The following ANKRD33B variants were observed in gnomAD, a reference collection of about 807,000 sequenced individuals.
ANKRD33B encodes the protein ankyrin repeat domain-containing protein 33B.
In ANKRD33B, 6 loss-of-function variants were observed where a neutral mutation model predicts 21.5. That is an observed-to-expected ratio of 0.28 (90% CI 0.15 to 0.55). The LOEUF (loss-of-function observed/expected upper bound fraction) is 0.55. ANKRD33B is among the 20% of genes least tolerant of loss of function. The pLI is 0.94. For synonymous variants in ANKRD33B, 347 were observed against 342.4 expected (o/e 1.01, Z -0.15); for missense variants, 698 against 747.2 (o/e 0.93, Z 0.77).
intron 3 of ANKRD33B, among the ~76,000 whole-genome samples, chr5:10,644,538 C>A (rs926056085): frequency 6.6e-6 from 1 of 152,162 alleles, no homozygotes; most frequent in Non-Finnish European, 1.5e-5. Context: ...AACCTCAAAT[C>A]TTCCTGTGAT....
chr5:10,646,792 C>T (rs2126608584), intron 3 of ANKRD33B, among the ~76,000 whole-genome samples: 1 of 152,336 alleles, frequency 6.6e-6, no homozygotes, highest in South Asian at 2.1e-4. Flanking sequence ...AATTACCACT[C>T]TTCTAATATG....
chr5:10,649,288 C>T lies in ANKRD33B; in HGVS notation c.660C>T (p.Asp220=). 6.5e-7 allele frequency: 1 copy of T among 1,527,064 alleles called. No homozygotes were observed. Among genetic ancestry groups the T allele is most frequent in the Non-Finnish European group, 8.8e-7 (1 of 1,141,120 alleles). The allele number at this position is 1,527,064 out of a possible 1,614,324, so 94.6% of individuals were successfully genotyped here. A position where few individuals can be genotyped will look rare whatever the true frequency, so the allele number is the denominator to read the frequency against. Residue 220 remains aspartate, a synonymous_variant, in exon 4 of 4, where the codon GAC becomes GAT. Coordinates refer to ENST00000296657, the MANE Select transcript of ANKRD33B (RefSeq NM_001164440.2). ...MLAGADVHAR[D]PRRGMSPQEW... is the part of the protein sequence containing the mutation. ...CAGGGGCGGATGTCCACGCGAGGGA[C>T]CCCCGCCGTGGGATGTCGCCGCAGG...
At chr5:10,637,462 A>ACACACACACACGG (rs1491289427) in intron 2 of ANKRD33B, among the ~76,000 whole-genome samples, 9 of 114,580 alleles carry the variant, frequency 7.9e-5, no homozygotes, top group African/African-American at 2.5e-4. Context: ...ACACACACAC[A>ACACACACACACGG]CGGCGGCGGG....
Position 10,649,565 on chromosome 5 carries a change from A to G in ANKRD33B, c.937A>G (p.Thr313Ala), listed in dbSNP as rs1560989714. The G allele has an allele frequency of 1.3e-6, 2 of 1,523,216 alleles. No individual in the cohort carries two copies. Among genetic ancestry groups the G allele is most frequent in the Non-Finnish European group, 1.8e-6 (2 of 1,140,016 alleles). The allele number at this position is 1,523,216 out of a possible 1,614,324, so 94.4% of individuals were successfully genotyped here. ...GVLDHMVRMT[T>A]SLYSPAVAIV... ...CCTGGACCACATGGTCCGGATGACC[A>G]CGAGCCTCTACAGCCCCGCCGTGGC... The change falls in exon 4 of 4, where the codon ACG becomes GCG. Residue 313 changes from threonine (T) to alanine (A), a missense_variant. By Grantham distance (58) the Thr-to-Ala change is moderately conservative. Coordinates refer to ENST00000296657, the MANE Select transcript of ANKRD33B (RefSeq NM_001164440.2).
In ANKRD33B at chr5:10,633,028, T is replaced by TC. The variant is rs1486040566; in HGVS notation, c.497-4998dup. Among the ~76,000 whole-genome samples, 3 of 150,768 alleles carry TC rather than the reference T, an allele frequency of 2.0e-5. No homozygotes were observed. In the East Asian group the frequency reaches 5.9e-4, roughly 30 times the overall value. On this transcript the variant is annotated intron_variant, in intron 2 of 3. Transcript: ENST00000296657. ...GTCTTGAACTCCTGACCTCAGGTGATCCACCCCCCTCAGCCTCCCAAAGTG... is the reference window on the plus strand; with the variant it reads ...GTCTTGAACTCCTGACCTCAGGTGATCCCACCCCCCTCAGCCTCCCAAAGTG...
chr5:10,582,647 C>T (rs1735467102), intron 1 of ANKRD33B, among the ~76,000 whole-genome samples: 1 of 152,214 alleles, frequency 6.6e-6, no homozygotes, highest in Non-Finnish European at 1.5e-5. Flanking sequence ...TTGCTGTCCC[C>T]CAGCTGTGCG....
At chr5:10,591,271 C>A (rs1463616170) in intron 1 of ANKRD33B, among the ~76,000 whole-genome samples, 1 of 140,312 alleles carries the variant, frequency 7.1e-6, no homozygotes, top group Middle Eastern at 4.4e-3. Flanking sequence ...GGGCTCCCTG[C>A]AACCTCCCCC....
chr5:10,601,831 T>G (rs1735939781), intron 1 of ANKRD33B, among the ~76,000 whole-genome samples: 1 of 152,218 alleles, frequency 6.6e-6, no homozygotes, highest in Admixed American at 6.5e-5. Context: ...TCTCGAGATC[T>G]GCCCTTCTCC....
At chr5:10,647,607 C>CT (rs5865901) in intron 3 of ANKRD33B, among the ~76,000 whole-genome samples, 3,028 of 152,200 alleles carry the variant, frequency 0.02, 230 homozygotes, top group East Asian at 0.15. Context: ...GTCAGGGAGA[C>CT]TGTGTAAGGG....
In ANKRD33B at chr5:10,619,862, A is replaced by G. The variant is rs1431168334; in HGVS notation, c.496+1400A>G. ...GACAGAGAAACACACGAAGCCCAGC[A>G]CCATCTGTCTGCCGGAGCTTGGTGC... On this transcript the variant is annotated intron_variant, in intron 2 of 3. Coordinates refer to ENST00000296657, the MANE Select transcript of ANKRD33B (RefSeq NM_001164440.2). The surrounding 1 kb of genome is among the most constrained non-coding windows in gnomAD (Gnocchi z 4.5). 1.3e-5 allele frequency among the ~76,000 whole-genome samples: 2 copies of G among 152,186 alleles called. No homozygotes were observed. Among genetic ancestry groups the G allele is most frequent in the East Asian group, 3.9e-4 (2 of 5,188 alleles).
chr5:10,609,607 A>G (rs941541237), intron 1 of ANKRD33B, among the ~76,000 whole-genome samples: 1 of 151,854 alleles, frequency 6.6e-6, no homozygotes, highest in African/African-American at 2.4e-5. Flanking sequence ...GTCCTCAAGT[A>G]TTATAAAGAA....
chr5:10,597,557 C>A (rs928238818), intron 1 of ANKRD33B, among the ~76,000 whole-genome samples: 1 of 152,138 alleles, frequency 6.6e-6, no homozygotes, highest in Non-Finnish European at 1.5e-5. Flanking sequence ...TTGTAGAGAC[C>A]TACAAAGAGA....
rs564162597 is a variant in ANKRD33B, at chr5:10,569,561, G to A, written c.366+4728G>A. On this transcript the variant is annotated intron_variant, in intron 1 of 3. Coordinates refer to ENST00000296657, the MANE Select transcript of ANKRD33B (RefSeq NM_001164440.2). The stretch of plus-strand genomic sequence containing the variant: ...CAGTGAGTTGAGATTGCACCACTGC[G>A]CCCCAGGCTGGGCGACAGAACAAGA... 1.3e-3 allele frequency among the ~76,000 whole-genome samples: 200 copies of A among 151,390 alleles called. 1 individual carries two copies. The highest frequency in any genetic ancestry group is 4.5e-3 in the African/African-American group (187 of 41,208).
rs922272736 is a variant in ANKRD33B at position 10,619,277 on chromosome 5, C to T, written c.496+815C>T. ...CTGCAGCTGAGCCAGGAAGAACAGG[C>T]GCTTGTGTGTTGAAGGAAGGAGGGG... On this transcript the variant is annotated intron_variant, in intron 2 of 3. Transcript: ENST00000296657. This position sits in a 1 kb window ranked among gnomAD's most constrained non-coding sequence, Gnocchi z 4.5. 2.0e-5 allele frequency: 20 copies of T among 984,412 alleles called. No individual in the cohort carries two copies. Among genetic ancestry groups the T allele is most frequent in the Middle Eastern group, 5.2e-4 (1 of 1,934 alleles). The allele number at this position is 984,412 out of a possible 1,614,324, so 61.0% of individuals were successfully genotyped here. A position where few individuals can be genotyped will look rare whatever the true frequency, so the allele number is the denominator to read the frequency against.
intron 1 of ANKRD33B, among the ~76,000 whole-genome samples, chr5:10,595,445 G>T (rs1735799618): frequency 6.6e-6 from 1 of 152,166 alleles, no homozygotes; most frequent in Admixed American, 6.5e-5. Context: ...GTCCTCATCT[G>T]TCCTCTGCAC....
intron 1 of ANKRD33B, among the ~76,000 whole-genome samples, chr5:10,586,479 T>C (rs1735562029): frequency 7.2e-6 from 1 of 138,400 alleles, no homozygotes; most frequent in African/African-American, 2.7e-5. Flanking sequence ...CGTTGGGTTC[T>C]TGTAACTGTG....
intron 1 of ANKRD33B, among the ~76,000 whole-genome samples, chr5:10,565,070 C>A (rs2126539567): frequency 6.6e-6 from 1 of 152,360 alleles, no homozygotes; most frequent in East Asian, 1.9e-4. Context: ...GCGGCAGAAA[C>A]GCCAGTCCGG....
At chr5:10,622,480 C>T (rs11750932) in intron 2 of ANKRD33B, among the ~76,000 whole-genome samples, 4 of 152,054 alleles carry the variant, frequency 2.6e-5, no homozygotes, top group African/African-American at 9.7e-5. Flanking sequence ...TTCAAAAACG[C>T]GGTTAAATTT....
rs992801495 is a variant in ANKRD33B, at chr5:10,613,157, C to T, written c.367-5176C>T. ...CAGTCTCTCCCCTGGCTGTCGTGGG[C>T]TCCCGCTTCTTCTTCTGCAGACTGT... On this transcript the variant is annotated intron_variant, in intron 1 of 3. Coordinates refer to ENST00000296657, the MANE Select transcript of ANKRD33B (RefSeq NM_001164440.2). Among the ~76,000 whole-genome samples the T allele has an allele frequency of 2.0e-5, 3 of 152,148 alleles. No individual in the cohort carries two copies. The East Asian group carries it at 5.8e-4, about 29-fold the overall frequency.
Sources: gnomAD v4.1 joint callset for allele counts (sites outside exome capture counted in the v4.1 genomes callset) on GRCh38, gnomAD v4.1.1 for gene constraint, Gnocchi (gnomAD v3.1) non-coding constraint, MANE v1.5 for transcripts, NCBI Gene and HGNC (gene_info 2026-07-23, HGNC 2026-07-21) for gene names.